CUL1: variants seen among roughly 807,000 people sequenced by gnomAD.
CUL1 encodes the protein cullin-1.
CUL1 carries 24 observed loss-of-function variants against 118.0 expected under a neutral mutation model. That is an observed-to-expected ratio of 0.20 (90% CI 0.15 to 0.29). The LOEUF is 0.29. Among genes scored for constraint, CUL1 ranks in the 10% least tolerant of loss-of-function variants. The pLI, the probability that CUL1 is intolerant of heterozygous loss-of-function variation, is 1.00. For synonymous variants in CUL1, 332 were observed against 340.4 expected (o/e 0.98, Z 0.27); for missense variants, 361 against 933.8 (o/e 0.39, Z 7.99).
chr7:148,746,944 C>G (rs1487160253), intron 2 of CUL1, among the ~76,000 whole-genome samples: 1 of 152,150 alleles, frequency 6.6e-6, no homozygotes, highest in African/African-American at 2.4e-5. Flanking sequence ...GTGGGTTTAA[C>G]TAAGTTTGAC....
intron 17 of CUL1, among the ~76,000 whole-genome samples, chr7:148,795,642 T>TGC (rs966213564): frequency 5.3e-5 from 8 of 151,934 alleles, no homozygotes; most frequent in African/African-American, 1.4e-4. Flanking sequence ...TGGTGGCAGG[T>TGC]GCCTGTAGTC....
chr7:148,772,891 G>C (rs903423470), intron 9 of CUL1, among the ~76,000 whole-genome samples: 4 of 152,096 alleles, frequency 2.6e-5, no homozygotes, highest in Non-Finnish European at 4.4e-5. Flanking sequence ...TGTCTCGGTA[G>C]CAAGCTGTCT....
At chr7:148,716,663 G>A (rs1386834625) in intron 1 of CUL1, among the ~76,000 whole-genome samples, 2 of 152,184 alleles carry the variant, frequency 1.3e-5, no homozygotes, top group Admixed American at 6.5e-5. Context: ...TTACGTGTTA[G>A]TATTTACTCC....
intron 1 of CUL1, among the ~76,000 whole-genome samples, chr7:148,724,974 T>G (rs1180034292): frequency 6.6e-6 from 1 of 152,214 alleles, no homozygotes; most frequent in East Asian, 1.9e-4. Flanking sequence ...CCTCTCTGAC[T>G]TATGAAATCT....
At position 148,799,324 on chromosome 7, in the gene CUL1, A is replaced by G. The variant is rs868117336; in HGVS notation, c.2186A>G (p.Gln729Arg). ...MKMRKVLKHQ[Q>R]LLGEVLTQLS... ...ATGAGGAAGGTTCTGAAACACCAGCAGTTACTTGGCGAGGTCCTCACTCAG... is the reference window on the plus strand; with the variant it reads ...ATGAGGAAGGTTCTGAAACACCAGCGGTTACTTGGCGAGGTCCTCACTCAG... Residue 729 changes from glutamine to arginine, a missense_variant, in exon 21 of 22, where the codon CAG becomes CGG. Coordinates refer to ENST00000325222, the MANE Select transcript of CUL1 (RefSeq NM_003592.3). The G allele has an allele frequency of 6.2e-7, 1 of 1,614,194 alleles. No individual in the cohort carries two copies.
intron 9 of CUL1, among the ~76,000 whole-genome samples, chr7:148,775,918 G>T (rs909429575): frequency 4.0e-5 from 6 of 150,702 alleles, no homozygotes; most frequent in Admixed American, 6.6e-5. Flanking sequence ...GTACCTTGAA[G>T]ATGGTATCTT....
intron 2 of CUL1, among the ~76,000 whole-genome samples, chr7:148,733,031 G>C (rs1349444288): frequency 6.6e-6 from 1 of 152,118 alleles, no homozygotes; most frequent in Non-Finnish European, 1.5e-5. Context: ...CCGCGGGCTG[G>C]TGGTAGTCAC....
chr7:148,752,801 A>G (rs1328208935), intron 2 of CUL1, among the ~76,000 whole-genome samples: 2 of 152,176 alleles, frequency 1.3e-5, no homozygotes, highest in African/African-American at 4.8e-5. Flanking sequence ...GGCGCCTGCC[A>G]CCACGCCCGG....
intron 17 of CUL1, among the ~76,000 whole-genome samples, chr7:148,795,081 C>T (rs1801139881): frequency 6.6e-6 from 1 of 152,164 alleles, no homozygotes; most frequent in Admixed American, 6.5e-5. Context: ...GATCTGCCTG[C>T]CTCGGCCTCC....
chr7:148,779,173 T>A (rs1800525252), intron 9 of CUL1, among the ~76,000 whole-genome samples: 1 of 152,226 alleles, frequency 6.6e-6, no homozygotes, highest in Admixed American at 6.5e-5. Context: ...ATTATCCTTT[T>A]AGTGGAAATG....
intron 2 of CUL1, among the ~76,000 whole-genome samples, chr7:148,742,088 G>C (rs1799159628): frequency 6.6e-6 from 1 of 152,170 alleles, no homozygotes; most frequent in South Asian, 2.1e-4. Flanking sequence ...TGAGTCTCTT[G>C]AAATTCTATA....
At chr7:148,751,756 A>G (rs1799499028) in intron 2 of CUL1, among the ~76,000 whole-genome samples, 1 of 152,194 alleles carries the variant, frequency 6.6e-6, no homozygotes, top group Non-Finnish European at 1.5e-5. Context: ...AGCTGCGGCT[A>G]TGTCAGATAC....
chr7:148,759,563 T>C lies in CUL1; in HGVS notation c.550T>C (p.Leu184=), dbSNP rs762321582. 5.6e-6 allele frequency: 9 copies of C among 1,608,308 alleles called. No homozygotes were observed. The highest frequency in any genetic ancestry group is 7.7e-6 in the Non-Finnish European group (9 of 1,176,152). Residue 184 remains leucine, a synonymous_variant, in exon 6 of 22, where the codon TTA becomes CTA. Transcript: ENST00000325222. ...CTTTCTAAAGGTAACAAATGCTGTT[T>C]TAAAGCTGATTGAAAAGGAAAGGAA... The part of the protein sequence containing the change: ...PLNKQVTNAV[L]KLIEKERNGE...
intron 16 of CUL1, among the ~76,000 whole-genome samples, chr7:148,792,029 T>C (rs1469204260): frequency 6.6e-6 from 1 of 152,026 alleles, no homozygotes; most frequent in Non-Finnish European, 1.5e-5. Context: ...TCTACTAAAA[T>C]ACAAAAATTA....
At chr7:148,771,914 C>T (rs1435485501) in intron 9 of CUL1, among the ~76,000 whole-genome samples, 2 of 152,134 alleles carry the variant, frequency 1.3e-5, no homozygotes, top group East Asian at 1.9e-4. Context: ...CATTCCTTCA[C>T]GTGGTCATTT....
chr7:148,800,823 G>A lies in CUL1; in HGVS notation c.*241G>A. 2.4e-6 allele frequency: 1 copy of A among 419,626 alleles called. No individual in the cohort carries two copies. The highest frequency in any genetic ancestry group is 4.3e-6 in the Non-Finnish European group (1 of 231,872). The allele number at this position is 419,626 out of a possible 1,614,324, so 26.0% of individuals were successfully genotyped here. ...CCCTAATTTAAGAACAGCGGGGACT[G>A]ACCCTCCGTGCCGAGGGCTGCATGC... On this transcript the variant is annotated 3_prime_UTR_variant, in exon 22 of 22. Transcript: ENST00000325222. This position sits in a 1 kb window ranked among gnomAD's most constrained non-coding sequence, Gnocchi z 4.6.
At chr7:148,796,367 C>T (rs911030696) in intron 17 of CUL1, among the ~76,000 whole-genome samples, 1 of 152,070 alleles carries the variant, frequency 6.6e-6, no homozygotes, top group African/African-American at 2.4e-5. Context: ...GTTTAGCTTG[C>T]CGGTATTTTC....
intron 2 of CUL1, among the ~76,000 whole-genome samples, chr7:148,731,440 TCTCTGAATTAGCA>T (rs1489738405): frequency 6.6e-6 from 1 of 152,248 alleles, no homozygotes; most frequent in East Asian, 1.9e-4. Context: ...ACTATGTCAA[TCTCTGAATTAGCA>T]TAAAATGTGT....
At chr7:148,722,617 C>G (rs985221814) in intron 1 of CUL1, among the ~76,000 whole-genome samples, 1 of 152,228 alleles carries the variant, frequency 6.6e-6, no homozygotes, top group Non-Finnish European at 1.5e-5. Flanking sequence ...CCATTTCTAT[C>G]CCTACAGTGG....
Sources: allele counts gnomAD v4.1 joint callset (sites outside exome capture counted in the v4.1 genomes callset), GRCh38; gene constraint gnomAD v4.1.1; non-coding constraint Gnocchi (gnomAD v3.1); transcripts MANE v1.5; gene names NCBI Gene and HGNC (gene_info 2026-07-23, HGNC 2026-07-21).